The following AKAP13 variants were observed in gnomAD, a reference collection of about 807,000 sequenced individuals.
The protein encoded by AKAP13 is A-kinase anchoring protein 13, also known as A-kinase anchor protein 13.
In AKAP13, 80 loss-of-function variants were observed where a neutral mutation model predicts 264.5. That is an observed-to-expected ratio of 0.30 (90% CI 0.25 to 0.36). AKAP13 has a LOEUF of 0.36. AKAP13 is among the 10% of genes least tolerant of loss of function. AKAP13 has a pLI of 1.00. For missense variants in AKAP13, 3,712 were observed against 3,435.2 expected (o/e 1.08, Z -2.01); for synonymous variants, 1,380 against 1,250.2 (o/e 1.10, Z -2.19).
At position 85,746,823 on chromosome 15, in the gene AKAP13, TCTC is replaced by T. The variant is rs1297648143; in HGVS notation, c.*2149_*2151del. Reference sequence around the variant, plus strand: ...GAGGGCAGTACTGAACCTGCATTCTTCTCCTTGTAAATGTAGGCCGGGTGCCCC... The same window carrying T: ...GAGGGCAGTACTGAACCTGCATTCTTCTTGTAAATGTAGGCCGGGTGCCCC... On this transcript the variant is annotated 3_prime_UTR_variant, in exon 37 of 37. Coordinates refer to ENST00000394518, the MANE Select transcript of AKAP13 (RefSeq NM_007200.5). 2 of 152,190 alleles carry T rather than the reference TCTC, an allele frequency of 1.3e-5. No homozygotes were observed. The highest frequency in any genetic ancestry group is 2.4e-5 in the African/African-American group (1 of 41,450). The allele number at this position is 152,190 out of a possible 1,614,324, so 9.4% of individuals were successfully genotyped here.
chr15:85,629,524 C>T (rs563199566), intron 8 of AKAP13, among the ~76,000 whole-genome samples: 7 of 152,056 alleles, frequency 4.6e-5, no homozygotes, highest in South Asian at 4.2e-4. Context: ...TGGGGAGATC[C>T]GTTAAATAGA....
chr15:85,509,196 T>C (rs1314467820), intron 2 of AKAP13, among the ~76,000 whole-genome samples: 7 of 152,258 alleles, frequency 4.6e-5, no homozygotes, highest in Non-Finnish European at 7.3e-5. Context: ...GTGGTTCTTA[T>C]CAGGGGTCTG....
At position 85,691,858 on chromosome 15, in the gene AKAP13, A is replaced by G. The variant is rs958170425; in HGVS notation, c.5290-1419A>G. 2.6e-5 allele frequency: 13 copies of G among 493,764 alleles called. 1 individual carries two copies. The highest frequency in any genetic ancestry group is 8.4e-5 in the Admixed American group (4 of 47,744). The allele number at this position is 493,764 out of a possible 1,614,324, so 30.6% of individuals were successfully genotyped here. On this transcript the variant is annotated intron_variant, in intron 16 of 36. Transcript: ENST00000394518. ...CCACAGGAAAGAAAGGAGCTTCACA[A>G]AAGAGGTCAGAGAGCACGGCGTAGG...
intron 16 of AKAP13, among the ~76,000 whole-genome samples, chr15:85,688,955 T>C (rs2085101560): frequency 6.6e-6 from 1 of 152,242 alleles, no homozygotes; most frequent in African/African-American, 2.4e-5. Context: ...AACACTCATA[T>C]GCATGGTGTT....
At chr15:85,456,552 T>G (rs1273640782) in intron 1 of AKAP13, among the ~76,000 whole-genome samples, 1 of 33,976 alleles carries the variant, frequency 2.9e-5, no homozygotes, top group Non-Finnish European at 6.2e-5. Context: ...CACTTTCTGT[T>G]TTTTTTTTTT....
At chr15:85,576,147 C>T (rs2079004513) in intron 6 of AKAP13, among the ~76,000 whole-genome samples, 1 of 152,120 alleles carries the variant, frequency 6.6e-6, no homozygotes, top group African/African-American at 2.4e-5. Flanking sequence ...ATGGAAGACA[C>T]ACATTTCAGG....
chr15:85,639,510 A>G, intron 9 of AKAP13, 61 bp downstream of exon 9: 1 of 1,246,862 alleles, frequency 8.0e-7, no homozygotes, highest in Non-Finnish European at 1.2e-6. Context: ...AGATCGTTTT[A>G]TTTGGAGATC....
At chr15:85,717,445 CTG>C (rs759850032) in intron 21 of AKAP13, 43 bp downstream of exon 21, 53 of 1,353,082 alleles carry the variant, frequency 3.9e-5, no homozygotes, top group Admixed American at 5.4e-5. Context: ...TCTGTAGGGA[CTG>C]TGTGTGTGTC....
chr15:85,462,462 G>C (rs957537924), intron 1 of AKAP13, among the ~76,000 whole-genome samples: 1 of 152,162 alleles, frequency 6.6e-6, no homozygotes, highest in African/African-American at 2.4e-5. Flanking sequence ...GGATTCTTTG[G>C]AGGAATAGAA....
intron 8 of AKAP13, among the ~76,000 whole-genome samples, chr15:85,588,637 C>T (rs1300366634): frequency 1.3e-5 from 2 of 152,176 alleles, no homozygotes; most frequent in Non-Finnish European, 2.9e-5. Flanking sequence ...AAAAGGTCTC[C>T]TCTCTCAGTC....
intron 2 of AKAP13, among the ~76,000 whole-genome samples, chr15:85,519,506 T>C (rs760166530): frequency 6.6e-6 from 1 of 152,230 alleles, no homozygotes; most frequent in Non-Finnish European, 1.5e-5. Flanking sequence ...AAATGGACTC[T>C]TCTCATACAC....
chr15:85,448,566 C>A (rs2073976115), intron 1 of AKAP13, among the ~76,000 whole-genome samples: 1 of 152,010 alleles, frequency 6.6e-6, no homozygotes, highest in Non-Finnish European at 1.5e-5. Flanking sequence ...AGGGGTCCAG[C>A]TTCAAACTTG....
At chr15:85,565,506 A>G (rs11630755) in intron 5 of AKAP13, among the ~76,000 whole-genome samples, 46,616 of 152,110 alleles carry the variant, frequency 0.31, 7,531 homozygotes, top group Middle Eastern at 0.48. Context: ...ATACCCAGCC[A>G]TAGTCCTCTT....
chr15:85,410,840 T>G (rs2071926041), intron 1 of AKAP13, among the ~76,000 whole-genome samples: 1 of 151,772 alleles, frequency 6.6e-6, no homozygotes, highest in South Asian at 2.1e-4. Context: ...CTGTGCTGTT[T>G]CATTGGGCAA....
At chr15:85,396,375 G>T (rs1294534882) in intron 1 of AKAP13, among the ~76,000 whole-genome samples, 1 of 152,084 alleles carries the variant, frequency 6.6e-6, no homozygotes, top group African/African-American at 2.4e-5. Context: ...GTGATGGCTG[G>T]CTTAATTAAA....
intron 16 of AKAP13, among the ~76,000 whole-genome samples, chr15:85,691,642 C>CT (rs2085292903): frequency 6.6e-6 from 1 of 152,196 alleles, no homozygotes; most frequent in South Asian, 2.1e-4. Context: ...GCACTTAGAG[C>CT]TCCTGACTCT....
Position 85,538,965 on chromosome 15 carries a change from G to A in AKAP13, c.479-4807G>A, listed in dbSNP as rs548117363. Among the ~76,000 whole-genome samples, 218 of 150,210 alleles carry A rather than the reference G, an allele frequency of 1.5e-3. 1 individual carries two copies. Among genetic ancestry groups the A allele is most frequent in the African/African-American group, 5.1e-3 (209 of 40,802 alleles). On this transcript the variant is annotated intron_variant, in intron 4 of 36. Transcript: ENST00000394518. ...CCTGCCTCAGCCTCTTGAGTAGCTGGGACTACAGGTGCCCGCCACCACGCC... is the reference window on the plus strand; with the variant it reads ...CCTGCCTCAGCCTCTTGAGTAGCTGAGACTACAGGTGCCCGCCACCACGCC...
At chr15:85,628,139 T>TATATACATA (rs1453423968) in intron 8 of AKAP13, among the ~76,000 whole-genome samples, 13 of 152,338 alleles carry the variant, frequency 8.5e-5, no homozygotes, top group Middle Eastern at 6.8e-3. Flanking sequence ...ATCCGTAGAC[T>TATATACATA]CATAAGGATG....
intron 20 of AKAP13, 68 bp from the exon 21 acceptor site, chr15:85,717,222 C>T: frequency 1.0e-6 from 1 of 990,692 alleles, no homozygotes; most frequent in Admixed American, 2.4e-5. Flanking sequence ...TTCAGGTACT[C>T]ATTTAAGAAT....
Sources: allele counts gnomAD v4.1 joint callset (sites outside exome capture counted in the v4.1 genomes callset), GRCh38; gene constraint gnomAD v4.1.1; transcripts MANE v1.5; gene names NCBI Gene and HGNC (gene_info 2026-07-23, HGNC 2026-07-21).